The following FGF23 variants were observed in gnomAD, a reference collection of about 807,000 sequenced individuals.
FGF23 encodes fibroblast growth factor 23.
FGF23 carries 8 observed loss-of-function variants against 9.0 expected under a neutral mutation model. The observed-to-expected ratio is 0.89, with a 90% CI of 0.52 to 1.60. The LOEUF (loss-of-function observed/expected upper bound fraction) is 1.60, where lower values mean the gene tolerates loss of function less well. Among genes scored for constraint, FGF23 ranks in the 40% most tolerant of loss-of-function variants. The probability of loss-of-function intolerance (pLI) is 0.00; values close to 1 mark genes in which losing one functional copy is unlikely to be tolerated. For missense variants in FGF23, 311 were observed against 344.3 expected, an observed-to-expected ratio of 0.90 and a Z score of 0.77; for synonymous variants, 118 against 146.2, an observed-to-expected ratio of 0.81 and a Z score of 1.39.
rs1865027229 is a variant in FGF23 at position 4,368,371 on chromosome 12, A to G, written c.*1972T>C. 1 of 180,712 alleles carries G rather than the reference A, an allele frequency of 5.5e-6. No individual in the cohort carries two copies. Among genetic ancestry groups the G allele is most frequent in the African/African-American group, 2.4e-5 (1 of 42,442 alleles). The allele number at this position is 180,712 out of a possible 1,614,324, so 11.2% of individuals were successfully genotyped here. On this transcript the variant is annotated 3_prime_UTR_variant, in exon 3 of 3. Coordinates refer to ENST00000237837, the MANE Select transcript of FGF23 (RefSeq NM_020638.3). ...AATTTTGCCTTCTCTGGATTTCCCT[A>G]ATGTTCCCCTCCCATAATCCTTTTT...
Position 4,379,572 on chromosome 12 carries a change from G to A in FGF23, c.11C>T (p.Ala4Val). The change falls in exon 1 of 3, where the codon GCC (alanine) becomes GTC (valine). Residue 4 changes from alanine (A) to valine (V), a missense_variant. This residue lies in a region of FGF23 where 102 missense variants were observed against 108.2 expected (regional missense o/e 0.94). Coordinates refer to ENST00000237837, the MANE Select transcript of FGF23 (RefSeq NM_020638.3). ...GGCACAGACCCAGAGCCTGAGGCGG[G>A]CCCCCAACATCGTGCCCTGCTCTGA... MLGARLRLWVCALC... is the reference protein window; with the variant it reads MLGVRLRLWVCALC... 5 of 1,603,056 alleles carry A rather than the reference G, an allele frequency of 3.1e-6. No homozygotes were observed. The highest frequency in any genetic ancestry group is 4.2e-6 in the Non-Finnish European group (5 of 1,176,826).
Position 4,379,439 on chromosome 12 carries a change from C to T in FGF23, c.144G>A (p.Arg48=), listed in dbSNP as rs1421660202. The T allele has an allele frequency of 6.2e-6, 10 of 1,613,430 alleles. No homozygotes were observed. Among genetic ancestry groups the T allele is most frequent in the African/African-American group, 1.3e-5 (1 of 74,914 alleles). The change falls in exon 1 of 3, where the codon AGG becomes AGA. Residue 48 remains arginine, a synonymous_variant. Transcript: ENST00000237837. ...TGTGGATCTGCAGGTGGTAGCTGTT[C>T]CTGGCTGTGGCTGTGTACAGGTGGA... ...GLIHLYTATA[R]NSYHLQIHKN...
At chr12:4,371,150 G>T (rs1020294751) in intron 2 of FGF23, among the ~76,000 whole-genome samples, 1 of 152,190 alleles carries the variant, frequency 6.6e-6, no homozygotes, top group Non-Finnish European at 1.5e-5. Flanking sequence ...CTGGAGAAAG[G>T]AGAGGGGATG....
At chr12:4,376,337 A>C (rs1487483761) in intron 1 of FGF23, among the ~76,000 whole-genome samples, 1 of 152,214 alleles carries the variant, frequency 6.6e-6, no homozygotes, top group Non-Finnish European at 1.5e-5. Flanking sequence ...GCAAAGTAAT[A>C]AGATAAACCA....
Position 4,370,087 on chromosome 12 carries a change from A to T in FGF23, c.*256T>A. On this transcript the variant is annotated 3_prime_UTR_variant, in exon 3 of 3. Transcript: ENST00000237837. Reference sequence around the variant, plus strand: ...CTTCTCTCTACCTTCATGAAGGGGAAATTTCTAGTTTACCTGTTGGGGTTT... The same window carrying T: ...CTTCTCTCTACCTTCATGAAGGGGATATTTCTAGTTTACCTGTTGGGGTTT... 2.2e-6 allele frequency: 1 copy of T among 461,692 alleles called. No homozygotes were observed. Among genetic ancestry groups the T allele is most frequent in the Non-Finnish European group, 3.8e-6 (1 of 260,014 alleles). The allele number at this position is 461,692 out of a possible 1,614,324, so 28.6% of individuals were successfully genotyped here. A position where few individuals can be genotyped will look rare whatever the true frequency, so the allele number is the denominator to read the frequency against.
At chr12:4,374,540 C>T (rs1308507939) in intron 1 of FGF23, among the ~76,000 whole-genome samples, 2 of 151,758 alleles carry the variant, frequency 1.3e-5, no homozygotes, top group Non-Finnish European at 1.5e-5. Flanking sequence ...GTCCCAGCTA[C>T]TCGGGAGGCT....
chr12:4,372,188 A>AG (rs1865071165), intron 2 of FGF23, among the ~76,000 whole-genome samples: 1 of 67,184 alleles, frequency 1.5e-5, no homozygotes, highest in East Asian at 5.1e-4. Flanking sequence ...GGGTGGGGGG[A>AG]GGGGGGAGGG....
At position 4,368,639 on chromosome 12, in the gene FGF23, G is replaced by A. The variant is rs1865029421; in HGVS notation, c.*1704C>T. 1 of 202,576 alleles carries A rather than the reference G, an allele frequency of 4.9e-6. No homozygotes were observed. Among genetic ancestry groups the A allele is most frequent in the Non-Finnish European group, 1.0e-5 (1 of 98,720 alleles). The allele number at this position is 202,576 out of a possible 1,614,324, so 12.5% of individuals were successfully genotyped here. On this transcript the variant is annotated 3_prime_UTR_variant, in exon 3 of 3. Transcript: ENST00000237837. Reference sequence around the variant, plus strand: ...TTTGCCATAAAGAAAACCCCTGATGGTAGTGTTGAGTTTGTGAGATTACAA... The same window carrying A: ...TTTGCCATAAAGAAAACCCCTGATGATAGTGTTGAGTTTGTGAGATTACAA...
intron 2 of FGF23, among the ~76,000 whole-genome samples, chr12:4,372,083 A>G (rs1180159108): frequency 1.3e-5 from 2 of 149,344 alleles, no homozygotes; most frequent in African/African-American, 4.9e-5. Flanking sequence ...AGAACAAAAA[A>G]CCAAACACCG....
chr12:4,368,735 A>G lies in FGF23; in HGVS notation c.*1608T>C, dbSNP rs1476791672. On this transcript the variant is annotated 3_prime_UTR_variant, in exon 3 of 3. Coordinates refer to ENST00000237837, the MANE Select transcript of FGF23 (RefSeq NM_020638.3). ...TCCAATAGCTATTATGCAGGATAATATTTCCAACAGGAAATGAAAACAGAA... is the reference window on the plus strand; with the variant it reads ...TCCAATAGCTATTATGCAGGATAATGTTTCCAACAGGAAATGAAAACAGAA... The G allele has an allele frequency of 9.9e-6, 2 of 203,006 alleles. No individual in the cohort carries two copies. Among genetic ancestry groups the G allele is most frequent in the Non-Finnish European group, 2.0e-5 (2 of 98,900 alleles). The allele number at this position is 203,006 out of a possible 1,614,324, so 12.6% of individuals were successfully genotyped here. A position where few individuals can be genotyped will look rare whatever the true frequency, so the allele number is the denominator to read the frequency against.
chr12:4,369,290 A>G lies in FGF23; in HGVS notation c.*1053T>C, dbSNP rs1865035278. The G allele has an allele frequency of 4.3e-6, 1 of 231,472 alleles. No homozygotes were observed. The highest frequency in any genetic ancestry group is 1.8e-4 in the South Asian group (1 of 5,508). The allele number at this position is 231,472 out of a possible 1,614,324, so 14.3% of individuals were successfully genotyped here. On this transcript the variant is annotated 3_prime_UTR_variant, in exon 3 of 3. Coordinates refer to ENST00000237837, the MANE Select transcript of FGF23 (RefSeq NM_020638.3). ...GATGCCACTTCATTTAGAGAAAAGG[A>G]CACGATTTTTCAGTCCACAGAAAAC...
chr12:4,372,538 C>G (rs1437695106), intron 2 of FGF23, 56 bp downstream of exon 2: 1 of 1,116,422 alleles, frequency 9.0e-7, no homozygotes, highest in East Asian at 2.3e-5. Flanking sequence ...TATGTCGTGT[C>G]AAAGAAATTA....
chr12:4,373,275 C>T (rs1452368415), intron 1 of FGF23, among the ~76,000 whole-genome samples: 2 of 152,182 alleles, frequency 1.3e-5, no homozygotes, highest in South Asian at 2.1e-4. Context: ...CAGGCTCAGG[C>T]GTCACCATCT....
chr12:4,376,445 G>A (rs934453796), intron 1 of FGF23, among the ~76,000 whole-genome samples: 1 of 152,132 alleles, frequency 6.6e-6, no homozygotes, highest in African/African-American at 2.4e-5. Flanking sequence ...CACTGATGAG[G>A]TCATTACAAA....
chr12:4,377,222 C>G (rs1865125973), intron 1 of FGF23, among the ~76,000 whole-genome samples: 1 of 152,054 alleles, frequency 6.6e-6, no homozygotes, highest in East Asian at 1.9e-4. Flanking sequence ...CACTCACTCC[C>G]CACCGTAGCC....
intron 2 of FGF23, among the ~76,000 whole-genome samples, 191 bp from the exon 3 acceptor site, chr12:4,370,974 GT>G (rs1369674468): frequency 6.6e-6 from 1 of 152,186 alleles, no homozygotes; most frequent in African/African-American, 2.4e-5. Context: ...TGACTATATA[GT>G]TCGCCCTTTC....
At position 4,369,504 on chromosome 12, in the gene FGF23, CTATT is replaced by C. The variant is rs200486139; in HGVS notation, c.*835_*838del. ...AGATTTTCGTGAGCCAGTGTAAAAG[CTATT>C]TATTCCTTAGACCAAATTTTCAAAA... On this transcript the variant is annotated 3_prime_UTR_variant, in exon 3 of 3. Transcript: ENST00000237837. The C allele has an allele frequency of 2.6e-3, 600 of 229,076 alleles. 7 individuals carry two copies. The highest frequency in any genetic ancestry group is 0.012 in the African/African-American group (527 of 45,236). 14.2% of individuals were successfully genotyped at this position (229,076 alleles called of 1,614,324 possible).
intron 1 of FGF23, among the ~76,000 whole-genome samples, chr12:4,376,700 G>T (rs1865119844): frequency 6.6e-6 from 1 of 152,044 alleles, no homozygotes; most frequent in African/African-American, 2.4e-5. Flanking sequence ...TGTATTTTTA[G>T]TAGAGACAGG....
chr12:4,376,520 T>C (rs899120831), intron 1 of FGF23, among the ~76,000 whole-genome samples: 1 of 150,616 alleles, frequency 6.6e-6, no homozygotes, highest in African/African-American at 2.4e-5. Flanking sequence ...CCTCTTTCTT[T>C]TGGGTAACGT....
Sources: gnomAD v4.1 joint callset for allele counts (sites outside exome capture counted in the v4.1 genomes callset) on GRCh38, gnomAD v4.1.1 for gene constraint, gnomAD v4.1.1 regional missense constraint, MANE v1.5 for transcripts, NCBI Gene and HGNC (gene_info 2026-07-23, HGNC 2026-07-21) for gene names.